The following MAN1C1 variants were observed in gnomAD, a reference collection of about 807,000 sequenced individuals.
MAN1C1 encodes the protein mannosyl-oligosaccharide 1,2-alpha-mannosidase IC.
MAN1C1 carries 49 observed loss-of-function variants against 71.5 expected under a neutral mutation model. The observed-to-expected ratio is 0.69, with a 90% CI of 0.54 to 0.87. The LOEUF is 0.87. Ranked by LOEUF, MAN1C1 falls within the 40% of genes least tolerant of loss-of-function variation. The pLI is 0.00. For synonymous variants in MAN1C1, 352 were observed against 343.7 expected, an observed-to-expected ratio of 1.02 and a Z score of -0.27; for missense variants, 743 against 835.0, an observed-to-expected ratio of 0.89 and a Z score of 1.36.
At chr1:25,731,854 C>T (rs1044016286) in intron 2 of MAN1C1, among the ~76,000 whole-genome samples, 4 of 152,168 alleles carry the variant, frequency 2.6e-5, no homozygotes, top group Non-Finnish European at 4.4e-5. Context: ...TGTGTGCTCT[C>T]GGCTCCTGCT....
Position 25,782,939 on chromosome 1 carries a change from G to A in MAN1C1, c.1766+239G>A, listed in dbSNP as rs1037516759. On this transcript the variant is annotated intron_variant, in intron 11 of 11. Transcript: ENST00000374332. The surrounding 1 kb of genome is among the most constrained non-coding windows in gnomAD (Gnocchi z 4.4). ...AGGGACGCACCGTGTGATACCGCAG[G>A]TTCCTTCAGTTTCTCGCTTATCTCC... 6.6e-6 allele frequency among the ~76,000 whole-genome samples: 1 copy of A among 152,204 alleles called. No individual in the cohort carries two copies. Among genetic ancestry groups the A allele is most frequent in the African/African-American group, 2.4e-5 (1 of 41,438 alleles).
intron 1 of MAN1C1, among the ~76,000 whole-genome samples, chr1:25,674,201 G>A (rs1377440646): frequency 1.3e-5 from 2 of 152,202 alleles, no homozygotes; most frequent in Non-Finnish European, 2.9e-5. Flanking sequence ...CCTCACAATT[G>A]GAGCTGTCCC....
intron 2 of MAN1C1, among the ~76,000 whole-genome samples, chr1:25,704,667 G>A (rs1057293037): frequency 4.6e-5 from 7 of 152,180 alleles, no homozygotes; most frequent in African/African-American, 9.7e-5. Flanking sequence ...AGTTTTCCCC[G>A]AACTCCGGCT....
At chr1:25,763,049 C>G (rs1369898127) in intron 6 of MAN1C1, among the ~76,000 whole-genome samples, 1 of 152,034 alleles carries the variant, frequency 6.6e-6, no homozygotes, top group Non-Finnish European at 1.5e-5. Context: ...TGGTGGATCA[C>G]TTGAGGTCAA....
intron 11 of MAN1C1, 39 bp from the exon 12 acceptor site, chr1:25,783,624 C>A (rs772604622): frequency 1.9e-6 from 3 of 1,603,092 alleles, no homozygotes; most frequent in South Asian, 2.2e-5. Context: ...AGGCCACTGA[C>A]AGACTGTGTC....
intron 5 of MAN1C1, among the ~76,000 whole-genome samples, chr1:25,754,185 G>A (rs1030197108): frequency 6.6e-6 from 1 of 152,118 alleles, no homozygotes; most frequent in Non-Finnish European, 1.5e-5. Context: ...GGCCATCCTC[G>A]AGGCCCTCCA....
chr1:25,710,055 A>G (rs901199533), intron 2 of MAN1C1: 2 of 152,084 alleles, frequency 1.3e-5, no homozygotes, highest in Non-Finnish European at 2.9e-5. Context: ...TGGAAACACT[A>G]TATTCTTGTT....
At chr1:25,740,163 A>G (rs899043787) in intron 2 of MAN1C1, among the ~76,000 whole-genome samples, 1 of 152,102 alleles carries the variant, frequency 6.6e-6, no homozygotes, top group African/African-American at 2.4e-5. Flanking sequence ...CAGAGAAGAC[A>G]AGGAGACAGT....
chr1:25,667,103 G>T (rs1175016626), intron 1 of MAN1C1, among the ~76,000 whole-genome samples: 1 of 152,186 alleles, frequency 6.6e-6, no homozygotes, highest in African/African-American at 2.4e-5. Flanking sequence ...TGGGGAGGAG[G>T]ATGTGAGGAT....
intron 1 of MAN1C1, among the ~76,000 whole-genome samples, chr1:25,653,230 C>T (rs1259314593): frequency 1.3e-5 from 2 of 152,086 alleles, no homozygotes; most frequent in Non-Finnish European, 2.9e-5. Flanking sequence ...AGGCACATGC[C>T]ACCATGCCAG....
intron 1 of MAN1C1, among the ~76,000 whole-genome samples, chr1:25,677,117 C>T (rs1326296132): frequency 1.3e-5 from 2 of 152,140 alleles, no homozygotes; most frequent in African/African-American, 2.4e-5. Context: ...TAATGTTCTG[C>T]CTCACACTAG....
intron 1 of MAN1C1, among the ~76,000 whole-genome samples, chr1:25,678,943 G>A (rs1197271912): frequency 6.6e-6 from 1 of 152,146 alleles, no homozygotes; most frequent in Non-Finnish European, 1.5e-5. Context: ...TCTTCAGCGA[G>A]CTTGTGTGCC....
At chr1:25,649,827 A>G (rs1312867864) in intron 1 of MAN1C1, among the ~76,000 whole-genome samples, 1 of 152,162 alleles carries the variant, frequency 6.6e-6, no homozygotes, top group South Asian at 2.1e-4. Context: ...TAATAGAGAC[A>G]GGGTTTCACC....
At chr1:25,683,747 T>C (rs755824671) in intron 1 of MAN1C1, among the ~76,000 whole-genome samples, 2 of 152,090 alleles carry the variant, frequency 1.3e-5, no homozygotes, top group Admixed American at 6.5e-5. Context: ...TAGGGTGTGT[T>C]AGGGAGAGAG....
At chr1:25,644,526 T>A (rs1243793691) in intron 1 of MAN1C1, 12 of 113,358 alleles carry the variant, frequency 1.1e-4, no homozygotes, top group African/African-American at 5.3e-4. Flanking sequence ...ATATTTTTTT[T>A]TTTTTTTTTT....
At chr1:25,668,378 C>T (rs981867697) in intron 1 of MAN1C1, among the ~76,000 whole-genome samples, 2 of 151,936 alleles carry the variant, frequency 1.3e-5, no homozygotes, top group African/African-American at 2.4e-5. Context: ...TGAAGGCAGC[C>T]GCCATTCCTA....
Position 25,779,192 on chromosome 1 carries a change from CA to C in MAN1C1, c.1477+872del, listed in dbSNP as rs1346486386. On this transcript the variant is annotated intron_variant, in intron 9 of 11. Transcript: ENST00000374332. The surrounding 1 kb of genome is among the most constrained non-coding windows in gnomAD (Gnocchi z 4.6). ...AATCCCAGGCTCAAGCAGCGCTTGA[CA>C]AAATGACTGTTTTCTGATGGCCAGG... is the stretch of plus-strand genomic sequence containing the variant. 6.6e-6 allele frequency among the ~76,000 whole-genome samples: 1 copy of C among 152,192 alleles called. No individual in the cohort carries two copies. Among genetic ancestry groups the C allele is most frequent in the Non-Finnish European group, 1.5e-5 (1 of 68,032 alleles).
chr1:25,763,022 C>T (rs1469085674), intron 6 of MAN1C1, among the ~76,000 whole-genome samples: 2 of 152,084 alleles, frequency 1.3e-5, no homozygotes, highest in East Asian at 3.9e-4. Flanking sequence ...AATCCCAGCA[C>T]TTTGGGAGGC....
At chr1:25,677,669 C>T (rs996427151) in intron 1 of MAN1C1, among the ~76,000 whole-genome samples, 16 of 151,886 alleles carry the variant, frequency 1.1e-4, no homozygotes, top group Admixed American at 7.2e-4. Context: ...GTGTCCTGGC[C>T]GAGGCAAGTC....
Sources: gnomAD v4.1 joint callset for allele counts (sites outside exome capture counted in the v4.1 genomes callset) on GRCh38, gnomAD v4.1.1 for gene constraint, Gnocchi (gnomAD v3.1) non-coding constraint, MANE v1.5 for transcripts, NCBI Gene and HGNC (gene_info 2026-07-23, HGNC 2026-07-21) for gene names.